Variants in ZFAT observed in about 807,000 individuals in gnomAD.
ZFAT encodes zinc finger protein ZFAT.
In ZFAT, 64 loss-of-function variants were observed where a neutral mutation model predicts 117.7. The ratio of observed to expected loss-of-function variants is 0.54; its 90% CI spans 0.44 to 0.67. ZFAT has a LOEUF of 0.67. ZFAT is among the 30% of genes least tolerant of loss of function. ZFAT has a pLI of 0.00. For missense variants in ZFAT, 1,433 were observed against 1,584.5 expected, an observed-to-expected ratio of 0.90 and a Z score of 1.62; for synonymous variants, 679 against 615.0, an observed-to-expected ratio of 1.10 and a Z score of -1.54.
intron 3 of ZFAT, among the ~76,000 whole-genome samples, chr8:134,631,150 T>G (rs1330267156): frequency 6.6e-6 from 1 of 152,240 alleles, no homozygotes; most frequent in Non-Finnish European, 1.5e-5. Flanking sequence ...ATCAATGGAA[T>G]AGGAGGCCAT....
the ZFAT span, among the ~76,000 whole-genome samples, chr8:134,782,401 G>A: frequency 8.2e-3 from 1,247 of 152,180 alleles, 28 homozygotes; most frequent in African/African-American, 0.029. Flanking sequence ...ATTTCCTATA[G>A]AATGCTGTCT....
intron 1 of ZFAT, among the ~76,000 whole-genome samples, chr8:134,698,866 T>C (rs1434279098): frequency 6.6e-6 from 1 of 152,178 alleles, no homozygotes; most frequent in Non-Finnish European, 1.5e-5. Context: ...ATTCAAGCCC[T>C]TCTGTGGGCA....
At position 134,643,361 on chromosome 8, in the gene ZFAT, T is replaced by G. The variant is rs575745251; in HGVS notation, c.197-5649A>C. On this transcript the variant is annotated intron_variant, in intron 2 of 15. Coordinates refer to ENST00000377838, the MANE Select transcript of ZFAT (RefSeq NM_020863.4). Reference sequence around the variant, plus strand: ...AAATAATATACTTTGACCTCTTCACTAAGTTCTGCAGGAAAATGACGATAG... The same window carrying G: ...AAATAATATACTTTGACCTCTTCACGAAGTTCTGCAGGAAAATGACGATAG... 1.7e-4 allele frequency among the ~76,000 whole-genome samples: 26 copies of G among 152,348 alleles called. No individual in the cohort carries two copies. The South Asian group carries it at 5.4e-3, about 32-fold the overall frequency.
chr8:134,647,136 AC>A (rs1406505926), intron 2 of ZFAT, among the ~76,000 whole-genome samples: 2 of 152,102 alleles, frequency 1.3e-5, no homozygotes, highest in African/African-American at 4.8e-5. Context: ...ATACTAACAA[AC>A]CAAATTCAAC....
At chr8:134,730,867 T>C in the ZFAT span, among the ~76,000 whole-genome samples, 2 of 152,176 alleles carry the variant, frequency 1.3e-5, no homozygotes, top group Non-Finnish European at 2.9e-5. Context: ...CTGGGGAAGA[T>C]AGCATTCCGT....
At chr8:134,654,835 T>G (rs1490946976) in intron 2 of ZFAT, among the ~76,000 whole-genome samples, 1 of 152,092 alleles carries the variant, frequency 6.6e-6, no homozygotes, top group Admixed American at 6.5e-5. Context: ...ACAGCCCAAA[T>G]CCCTTCTTTG....
the ZFAT span, chr8:134,764,878 T>A: frequency 6.6e-6 from 1 of 152,224 alleles, no homozygotes; most frequent in South Asian, 2.1e-4. Flanking sequence ...TCTATGCACC[T>A]CATCAGGGAA....
the ZFAT span, among the ~76,000 whole-genome samples, chr8:134,721,522 A>C: frequency 1.3e-5 from 2 of 152,156 alleles, no homozygotes; most frequent in Non-Finnish European, 2.9e-5. Context: ...GATTCATCTC[A>C]AACCAGACAA....
At chr8:134,652,845 C>A (rs1390845543) in intron 2 of ZFAT, among the ~76,000 whole-genome samples, 1 of 152,158 alleles carries the variant, frequency 6.6e-6, no homozygotes, top group East Asian at 1.9e-4. Context: ...TAAAACCTTT[C>A]CAGAGAGCAT....
At chr8:134,513,197 CTTT>C (rs763874079) in intron 13 of ZFAT, among the ~76,000 whole-genome samples, 7 of 132,984 alleles carry the variant, frequency 5.3e-5, no homozygotes, top group Admixed American at 7.6e-5. Flanking sequence ...GCTATTTGTG[CTTT>C]TTTTTTTTTT....
chr8:134,728,599 C>G, the ZFAT span, among the ~76,000 whole-genome samples: 1 of 152,266 alleles, frequency 6.6e-6, no homozygotes, highest in East Asian at 1.9e-4. Flanking sequence ...CCATCCACAC[C>G]AGGACAGGTG....
chr8:134,564,890 G>A, intron 11 of ZFAT: 1 of 1,098,388 alleles, frequency 9.1e-7, no homozygotes, highest in Non-Finnish European at 1.2e-6. Context: ...CCTGCAACAT[G>A]CTGGGCACTG....
chr8:134,691,732 A>C (rs1237888370), intron 1 of ZFAT, among the ~76,000 whole-genome samples: 1 of 152,196 alleles, frequency 6.6e-6, no homozygotes. Context: ...TCATGTATTT[A>C]ATGCTGTGCT....
chr8:134,761,530 T>C, the ZFAT span, among the ~76,000 whole-genome samples: 54 of 149,896 alleles, frequency 3.6e-4, no homozygotes, highest in Admixed American at 1.2e-3. Context: ...TGAAACCCCG[T>C]CTCTACTAAA....
intron 13 of ZFAT, among the ~76,000 whole-genome samples, chr8:134,515,198 A>G (rs1820166299): frequency 6.6e-6 from 1 of 152,190 alleles, no homozygotes; most frequent in African/African-American, 2.4e-5. Flanking sequence ...TTCTTTATGC[A>G]GTCTATCATT....
chr8:134,778,276 G>A, the ZFAT span, among the ~76,000 whole-genome samples: 1 of 152,174 alleles, frequency 6.6e-6, no homozygotes, highest in Non-Finnish European at 1.5e-5. Context: ...ACCAGATATG[G>A]AGAGAAGGCA....
At chr8:134,673,297 A>C (rs1832645962) in intron 1 of ZFAT, 1 of 152,604 alleles carries the variant, frequency 6.6e-6, no homozygotes. Context: ...AAACACTGCT[A>C]TCTGTGCAGA....
chr8:134,615,775 A>G (rs1197997958), intron 3 of ZFAT, among the ~76,000 whole-genome samples: 1 of 152,238 alleles, frequency 6.6e-6, no homozygotes, highest in Admixed American at 6.5e-5. Flanking sequence ...CGGACATTAC[A>G]TTCTATTCTT....
the ZFAT span, among the ~76,000 whole-genome samples, chr8:134,810,010 C>T: frequency 6.6e-6 from 1 of 152,018 alleles, no homozygotes; most frequent in Non-Finnish European, 1.5e-5. Context: ...GGTATGTAGC[C>T]CCACAGCACT....
Sources: allele counts gnomAD v4.1 joint callset (sites outside exome capture counted in the v4.1 genomes callset), GRCh38; gene constraint gnomAD v4.1.1; transcripts MANE v1.5; gene names NCBI Gene and HGNC (gene_info 2026-07-23, HGNC 2026-07-21).